The following TRPM4 variants were observed in gnomAD, a reference collection of about 807,000 sequenced individuals.
TRPM4 encodes the protein transient receptor potential cation channel subfamily M member 4, also known as calcium-activated non-selective cation channel 1.
In TRPM4, 124 loss-of-function variants were observed where a neutral mutation model predicts 135.6. The observed-to-expected ratio is 0.91, with a 90% CI of 0.79 to 1.06. The LOEUF (loss-of-function observed/expected upper bound fraction) is 1.06, where lower values mean the gene tolerates loss of function less well. TRPM4 is among the 50% of genes least tolerant of loss of function. The probability of loss-of-function intolerance (pLI) is 0.00; values close to 1 mark genes in which losing one functional copy is unlikely to be tolerated. For missense variants in TRPM4, 1,658 were observed against 1,671.4 expected (o/e 0.99, Z 0.14); for synonymous variants, 745 against 705.6 (o/e 1.06, Z -0.88).
chr19:49,176,340 G>A (rs186896266), intron 9 of TRPM4, among the ~76,000 whole-genome samples: 177 of 152,206 alleles, frequency 1.2e-3, no homozygotes, highest in African/African-American at 3.2e-3. Context: ...TGATTCTCTC[G>A]CATCAGCCTC....
chr19:49,177,183 G>T (rs1037081370), intron 9 of TRPM4, among the ~76,000 whole-genome samples: 70 of 152,176 alleles, frequency 4.6e-4, no homozygotes, highest in African/African-American at 1.6e-3. Context: ...TGCAAGATGT[G>T]GTTTGAGGGG....
intron 19 of TRPM4, 36 bp downstream of exon 19, chr19:49,200,821 G>C (rs1330854337): frequency 1.2e-6 from 2 of 1,610,430 alleles, no homozygotes; most frequent in African/African-American, 1.3e-5. Flanking sequence ...CTTCCTCTGA[G>C]TCTCTGTCCC....
Position 49,210,862 on chromosome 19 carries a change from GGGGATGGGGCTTCTGGCCT to G in TRPM4, c.3461+24_3461+42del, listed in dbSNP as rs770090113. The G allele has an allele frequency of 6.2e-7, 1 of 1,602,834 alleles. No homozygotes were observed. ...CCAGAAGTGAGAGCGGGGCCTGGTCGGGGATGGGGCTTCTGGCCTGGGGCGGATCCTGACTTCAGCTGAA... is the reference window on the plus strand; with the variant it reads ...CCAGAAGTGAGAGCGGGGCCTGGTCGGGGGCGGATCCTGACTTCAGCTGAA... On this transcript the variant is annotated intron_variant, in intron 22 of 24. Coordinates refer to ENST00000252826, the MANE Select transcript of TRPM4 (RefSeq NM_017636.4). This position sits in a 1 kb window ranked among gnomAD's most constrained non-coding sequence, Gnocchi z 4.1.
chr19:49,191,149 G>C (rs1319302695), intron 16 of TRPM4, among the ~76,000 whole-genome samples: 1 of 152,066 alleles, frequency 6.6e-6, no homozygotes, highest in African/African-American at 2.4e-5. Flanking sequence ...CCACCACCAG[G>C]ACCCAAACAC....
chr19:49,188,815 C>G (rs757877262), intron 13 of TRPM4, 45 bp downstream of exon 13: 1 of 1,613,106 alleles, frequency 6.2e-7, no homozygotes, highest in East Asian at 2.2e-5. Context: ...GGGCTGCCGC[C>G]AGAGGGGGAT....
Position 49,168,583 on chromosome 19 carries a change from G to A in TRPM4, c.643G>A (p.Gly215Ser), listed in dbSNP as rs371319252. 2.0e-5 allele frequency: 33 copies of A among 1,613,762 alleles called. No individual in the cohort carries two copies. Among genetic ancestry groups the A allele is most frequent in the Non-Finnish European group, 2.6e-5 (31 of 1,180,004 alleles). The change falls in exon 6 of 25, where the codon GGT becomes AGT. Residue 215 changes from glycine to serine, a missense_variant. Around this residue, in one of 3 missense-constraint regions of TRPM4, gnomAD observed 1,412 missense variants for 1,408.7 expected, o/e 1.00. Coordinates refer to ENST00000252826, the MANE Select transcript of TRPM4 (RefSeq NM_017636.4). Reference protein sequence around the residue: ...GSFPARYRWRGDPEDGVQFPL... With the variant: ...GSFPARYRWRSDPEDGVQFPL... ...GTTCCCTGCGAGGTACCGGTGGCGC[G>A]GTGACCCGGAGGACGGGGTCCAGTT... is the stretch of plus-strand genomic sequence containing the variant.
rs1968664693 is a variant in TRPM4, at chr19:49,196,754, GC to G, written c.2526del (p.Ser842ArgfsTer11). 1 of 1,549,616 alleles carries G rather than the reference GC, an allele frequency of 6.5e-7. No individual in the cohort carries two copies. Among genetic ancestry groups the G allele is most frequent in the Non-Finnish European group, 8.7e-7 (1 of 1,154,298 alleles). ...AGCGGAGGCGGGGGCAGCCTCGCCAGCGGGGGCCCCGGGCCTGGCCATGCCT... is the reference window on the plus strand; with the variant it reads ...AGCGGAGGCGGGGGCAGCCTCGCCAGGGGGGCCCCGGGCCTGGCCATGCCT... Reference protein sequence around the residue: ...GLSGGGGSLASGGPGPGHASL... With the variant: ...GLSGGGGSLAXGGPGPGHASL... On this transcript the variant is annotated frameshift_variant, in exon 17 of 25. Coordinates refer to ENST00000252826, the MANE Select transcript of TRPM4 (RefSeq NM_017636.4). LOFTEE classifies it high-confidence loss of function.
In TRPM4 at chr19:49,210,452, A is replaced by G. The variant is rs771218912; in HGVS notation, c.3328+47A>G. On this transcript the variant is annotated intron_variant, in intron 21 of 24. Transcript: ENST00000252826. The surrounding 1 kb of genome is among the most constrained non-coding windows in gnomAD (Gnocchi z 4.1). ...AAAAGGAGAAATATAGGGGACCGGG[A>G]GCCTGGAAGGCGAGGGGAAGGGGGC... 6.9e-6 allele frequency: 11 copies of G among 1,598,822 alleles called. No individual in the cohort carries two copies. The highest frequency in any genetic ancestry group is 8.5e-6 in the Non-Finnish European group (10 of 1,173,506).
intron 18 of TRPM4, 21 bp from the exon 19 acceptor site, chr19:49,200,590 C>T: frequency 6.2e-7 from 1 of 1,610,532 alleles, no homozygotes; most frequent in Non-Finnish European, 8.5e-7. Context: ...CGGGGCCAGA[C>T]TCAGCCACAT....
At chr19:49,191,980 C>G (rs989893993) in intron 16 of TRPM4, among the ~76,000 whole-genome samples, 1 of 152,192 alleles carries the variant, frequency 6.6e-6, no homozygotes, top group Admixed American at 6.5e-5. Flanking sequence ...GCTACACATA[C>G]TTCCATCCCT....
At position 49,196,776 on chromosome 19, in the gene TRPM4, T is replaced by G. The variant is rs776336725; in HGVS notation, c.2547T>G (p.His849Gln). 2 of 1,567,478 alleles carry G rather than the reference T, an allele frequency of 1.3e-6. No homozygotes were observed. The highest frequency in any genetic ancestry group is 1.7e-6 in the Non-Finnish European group (2 of 1,164,452). Residue 849 changes from histidine (H) to glutamine (Q), a missense_variant, in exon 17 of 25, where the codon CAT (histidine) becomes CAG (glutamine). This residue lies in a region of TRPM4 where 1,412 missense variants were observed against 1,408.7 expected (regional missense o/e 1.00). Coordinates refer to ENST00000252826, the MANE Select transcript of TRPM4 (RefSeq NM_017636.4). The part of the protein sequence containing the change: ...SLASGGPGPG[H>Q]ASLSQRLRLY... ...CCAGCGGGGGCCCCGGGCCTGGCCA[T>G]GCCTCACTGAGCCAGCGCCTGCGCC...
In TRPM4 at chr19:49,208,020, A is replaced by C. The variant is rs113905223; in HGVS notation, c.3132-2189A>C. 1.3e-4 allele frequency among the ~76,000 whole-genome samples: 20 copies of C among 152,296 alleles called. 1 individual carries two copies. Among genetic ancestry groups the C allele is most frequent in the African/African-American group, 4.8e-4 (20 of 41,548 alleles). On this transcript the variant is annotated intron_variant, in intron 20 of 24. Coordinates refer to ENST00000252826, the MANE Select transcript of TRPM4 (RefSeq NM_017636.4). The stretch of plus-strand genomic sequence containing the variant: ...ATAAGGTCACGTGAGTCACATGTCC[A>C]CTGGACAGGGGCCCTTCCCTGTTAG...
intron 3 of TRPM4, among the ~76,000 whole-genome samples, chr19:49,166,792 C>T (rs181984838): frequency 2.7e-5 from 4 of 150,312 alleles, no homozygotes; most frequent in Non-Finnish European, 4.4e-5. Context: ...CTCTCTGGGC[C>T]TCTGTTTCCC....
At chr19:49,187,199 T>C (rs1281476077) in intron 12 of TRPM4, among the ~76,000 whole-genome samples, 12 of 148,030 alleles carry the variant, frequency 8.1e-5, no homozygotes, top group Admixed American at 4.6e-4. Flanking sequence ...TTTCTTGTTT[T>C]TTTTTTTTTA....
intron 20 of TRPM4, 98 bp downstream of exon 20, chr19:49,202,239 C>G: frequency 7.1e-7 from 1 of 1,400,676 alleles, no homozygotes; most frequent in Non-Finnish European, 1.0e-6. Flanking sequence ...TTTTTAGTCC[C>G]TGAACTCTGA....
chr19:49,200,321 C>T lies in TRPM4; in HGVS notation c.2667C>T (p.His889=). The change falls in exon 18 of 25, where the codon CAC becomes CAT. Residue 889 remains histidine (H), a synonymous_variant. Transcript: ENST00000252826. ...VGCRLTPGLY[H]LGRTVLCIDF... ...CCAGGCTGACCCCGGGTTTGTACCA[C>T]CTGGGCCGCACTGTCCTCTGCATCG... 6 of 1,614,180 alleles carry T rather than the reference C, an allele frequency of 3.7e-6. No homozygotes were observed. Among genetic ancestry groups the T allele is most frequent in the Non-Finnish European group, 4.2e-6 (5 of 1,180,044 alleles).
intron 12 of TRPM4, among the ~76,000 whole-genome samples, chr19:49,185,078 T>C (rs548354953): frequency 6.6e-6 from 1 of 152,282 alleles, no homozygotes; most frequent in East Asian, 1.9e-4. Flanking sequence ...TCCCTTTAGT[T>C]CTTTTTTCAT....
Position 49,211,150 on chromosome 19 carries a change from C to T in TRPM4, c.3535-14C>T. On this transcript the variant is annotated splice_polypyrimidine_tract_variant and intron_variant, in intron 23 of 24. Transcript: ENST00000252826. This position sits in a 1 kb window ranked among gnomAD's most constrained non-coding sequence, Gnocchi z 4.8. Reference sequence around the variant, plus strand: ...GGTCCCATCTCCCGCTCTGACATTCCTCCCATTCCGCAGGTCCAGCAGTGT... The same window carrying T: ...GGTCCCATCTCCCGCTCTGACATTCTTCCCATTCCGCAGGTCCAGCAGTGT... The T allele has an allele frequency of 1.2e-6, 2 of 1,608,452 alleles. No homozygotes were observed. Among genetic ancestry groups the T allele is most frequent in the South Asian group, 2.2e-5 (2 of 90,026 alleles).
At chr19:49,192,143 T>C (rs1968435068) in intron 16 of TRPM4, among the ~76,000 whole-genome samples, 2 of 152,158 alleles carry the variant, frequency 1.3e-5, no homozygotes, top group East Asian at 1.9e-4. Context: ...ATCAAACTTC[T>C]TTTTTTGTTG....
Sources: allele counts gnomAD v4.1 joint callset (sites outside exome capture counted in the v4.1 genomes callset), GRCh38; gene constraint gnomAD v4.1.1; regional missense constraint gnomAD v4.1.1; non-coding constraint Gnocchi (gnomAD v3.1); transcripts MANE v1.5; gene names NCBI Gene and HGNC (gene_info 2026-07-23, HGNC 2026-07-21).